The following GUCY1A2 variants were observed in gnomAD, a reference collection of about 807,000 sequenced individuals.
The protein encoded by GUCY1A2 is guanylate cyclase 1 soluble subunit alpha 2.
A neutral mutation model predicts 63.5 loss-of-function variants in GUCY1A2; 27 were observed. That is an observed-to-expected ratio of 0.43 (90% CI 0.31 to 0.59). The LOEUF is 0.59. Among genes scored for constraint, GUCY1A2 ranks in the 20% least tolerant of loss-of-function variants. The probability of loss-of-function intolerance (pLI) is 0.11; values close to 1 mark genes in which losing one functional copy is unlikely to be tolerated. For missense variants in GUCY1A2, 768 were observed against 913.3 expected, an observed-to-expected ratio of 0.84 and a Z score of 2.05; for synonymous variants, 364 against 343.5, an observed-to-expected ratio of 1.06 and a Z score of -0.66.
At chr11:106,773,437 A>G (rs1016800617) in intron 6 of GUCY1A2, among the ~76,000 whole-genome samples, 2 of 152,136 alleles carry the variant, frequency 1.3e-5, no homozygotes, top group African/African-American at 4.8e-5. Context: ...CTGTTGATGG[A>G]TATTTGAATT....
intron 6 of GUCY1A2, among the ~76,000 whole-genome samples, chr11:106,771,244 TA>T (rs1188044253): frequency 6.6e-6 from 1 of 152,106 alleles, no homozygotes; most frequent in African/African-American, 2.4e-5. Context: ...TAGGCAGTAA[TA>T]AATATTTGGT....
At chr11:106,801,177 A>G (rs1287569033) in intron 5 of GUCY1A2, among the ~76,000 whole-genome samples, 1 of 152,142 alleles carries the variant, frequency 6.6e-6, no homozygotes, top group Non-Finnish European at 1.5e-5. Flanking sequence ...TAAAAAAGGA[A>G]ACCTAGTTAT....
At chr11:106,909,577 T>TA (rs1339171331) in intron 4 of GUCY1A2, among the ~76,000 whole-genome samples, 2 of 151,846 alleles carry the variant, frequency 1.3e-5, no homozygotes, top group Non-Finnish European at 2.9e-5. Flanking sequence ...TTTTTTAATT[T>TA]AAAAAATGTT....
chr11:106,919,381 A>G lies in GUCY1A2; in HGVS notation c.1206+20079T>C, dbSNP rs1257181261. Among the ~76,000 whole-genome samples the G allele has an allele frequency of 5.9e-5, 9 of 152,194 alleles. No individual in the cohort carries two copies. In the South Asian group the frequency reaches 1.9e-3, roughly 32 times the overall value. ...AAAAGAGTAGATTTTAGATGTTACC[A>G]TAATAACAAAAAAAGGTATCTTGGT... On this transcript the variant is annotated intron_variant, in intron 4 of 7. Transcript: ENST00000526355.
At chr11:106,810,522 T>G (rs756703911) in intron 4 of GUCY1A2, 44 bp from the exon 5 acceptor site, 2 of 1,490,856 alleles carry the variant, frequency 1.3e-6, no homozygotes, top group Non-Finnish European at 1.8e-6. Flanking sequence ...CTTCACATAG[T>G]AGGTTCACAA....
At chr11:106,883,193 ACAC>A in intron 4 of GUCY1A2, among the ~76,000 whole-genome samples, 1 of 152,230 alleles carries the variant, frequency 6.6e-6, no homozygotes, top group South Asian at 2.1e-4. Flanking sequence ...AAGTCCCACA[ACAC>A]TAAGAACAAA....
At chr11:106,745,411 A>G (rs781093213) in intron 6 of GUCY1A2, among the ~76,000 whole-genome samples, 3 of 152,230 alleles carry the variant, frequency 2.0e-5, no homozygotes, top group Non-Finnish European at 4.4e-5. Context: ...CCATTTTATT[A>G]TACCACTGTG....
rs1214120488 is a variant in GUCY1A2, at chr11:107,017,765, C to T, written c.291G>A (p.Leu97=). Residue 97 remains leucine (L), a synonymous_variant, in exon 1 of 8, where the codon CTG becomes CTA. Transcript: ENST00000526355. ...GCCCCCCGCTCACCGAGGGCGCCGT[C>T]AGGCGGCTGATGCTCTCGCCCAGCG... ...LDSLGESISR[L]TAPSPQTIQQ... The T allele has an allele frequency of 2.1e-6, 3 of 1,417,778 alleles. No individual in the cohort carries two copies. Among genetic ancestry groups the T allele is most frequent in the Non-Finnish European group, 2.8e-6 (3 of 1,085,422 alleles). 87.8% of individuals were successfully genotyped at this position (1,417,778 alleles called of 1,614,324 possible).
At chr11:106,886,540 T>C (rs530940311) in intron 4 of GUCY1A2, among the ~76,000 whole-genome samples, 3 of 152,190 alleles carry the variant, frequency 2.0e-5, no homozygotes, top group Non-Finnish European at 2.9e-5. Flanking sequence ...TGTATTTGTA[T>C]ACACATATAC....
intron 3 of GUCY1A2, among the ~76,000 whole-genome samples, chr11:106,971,152 T>C (rs919607842): frequency 1.3e-5 from 2 of 151,910 alleles, no homozygotes; most frequent in African/African-American, 4.8e-5. Context: ...TTATATGACA[T>C]TATGCATTTT....
At chr11:106,954,146 C>A (rs1434265458) in intron 3 of GUCY1A2, among the ~76,000 whole-genome samples, 1 of 152,084 alleles carries the variant, frequency 6.6e-6, no homozygotes, top group Non-Finnish European at 1.5e-5. Flanking sequence ...CTGATGTGGG[C>A]ATTTAATGCT....
chr11:107,000,827 A>G (rs1230505794), intron 1 of GUCY1A2, among the ~76,000 whole-genome samples: 1 of 152,216 alleles, frequency 6.6e-6, no homozygotes, highest in Non-Finnish European at 1.5e-5. Flanking sequence ...AATTGGTAAG[A>G]CAACATTTAA....
intron 4 of GUCY1A2, among the ~76,000 whole-genome samples, chr11:106,869,738 C>T (rs1316588007): frequency 6.6e-6 from 1 of 152,086 alleles, no homozygotes; most frequent in Non-Finnish European, 1.5e-5. Flanking sequence ...CCATTTGACC[C>T]AGCCATCCCA....
rs1025264249 is a variant in GUCY1A2, at chr11:106,885,160, A to G, written c.1206+54300T>C. ...GTTGAAAGTGCTTCATTTTGCCTTT[A>G]TGGTGATAACATTTACCAGGGCTCT... On this transcript the variant is annotated intron_variant, in intron 4 of 7. Coordinates refer to ENST00000526355, the MANE Select transcript of GUCY1A2 (RefSeq NM_000855.3). 3.3e-5 allele frequency among the ~76,000 whole-genome samples: 5 copies of G among 152,286 alleles called. No homozygotes were observed. The East Asian group carries it at 7.7e-4, about 24-fold the overall frequency.
chr11:106,999,208 G>A (rs1288056225), intron 1 of GUCY1A2, among the ~76,000 whole-genome samples: 3 of 152,188 alleles, frequency 2.0e-5, no homozygotes. Context: ...TTATCTGGGA[G>A]AGTCTTACAG....
At position 107,017,857 on chromosome 11, in the gene GUCY1A2, C is replaced by CGGA. The variant is rs768502774; in HGVS notation, c.198_199insTCC (p.Ser66dup). Reference sequence around the variant, plus strand: ...CCGGCAGTGGCAGCGGCGGCGGCGGCAGAAGCAGCCGGGGTCGGGGCCGGG... The same window carrying CGGA: ...CCGGCAGTGGCAGCGGCGGCGGCGGCGGAAGAAGCAGCCGGGGTCGGGGCCGGG... On this transcript the variant is annotated inframe_insertion, in exon 1 of 8. Coordinates refer to ENST00000526355, the MANE Select transcript of GUCY1A2 (RefSeq NM_000855.3). The CGGA allele has an allele frequency of 2.4e-6, 3 of 1,251,866 alleles. No homozygotes were observed. The East Asian group carries it at 9.5e-5, about 40-fold the overall frequency. 77.5% of individuals were successfully genotyped at this position (1,251,866 alleles called of 1,614,324 possible). A position where few individuals can be genotyped will look rare whatever the true frequency, so the allele number is the denominator to read the frequency against.
chr11:106,845,325 T>A (rs946620385), intron 4 of GUCY1A2, among the ~76,000 whole-genome samples: 1 of 151,334 alleles, frequency 6.6e-6, no homozygotes, highest in Non-Finnish European at 1.5e-5. Flanking sequence ...GAGTAGGAAA[T>A]TTGAAGTCCT....
At chr11:106,997,411 C>T (rs750994634) in intron 1 of GUCY1A2, among the ~76,000 whole-genome samples, 5 of 152,074 alleles carry the variant, frequency 3.3e-5, no homozygotes, top group Non-Finnish European at 5.9e-5. Context: ...AACATGACAG[C>T]GGACAGGCAA....
chr11:106,915,043 A>C (rs1860351532), intron 4 of GUCY1A2, among the ~76,000 whole-genome samples: 1 of 152,190 alleles, frequency 6.6e-6, no homozygotes, highest in Non-Finnish European at 1.5e-5. Flanking sequence ...AGACTTTTTC[A>C]GACAAACAAA....
Sources: gnomAD v4.1 joint callset for allele counts (sites outside exome capture counted in the v4.1 genomes callset) on GRCh38, gnomAD v4.1.1 for gene constraint, MANE v1.5 for transcripts, NCBI Gene and HGNC (gene_info 2026-07-23, HGNC 2026-07-21) for gene names.